The following SELP variants were observed in gnomAD, a reference collection of about 807,000 sequenced individuals.
SELP encodes P-selectin.
In SELP, 92 loss-of-function variants were observed where a neutral mutation model predicts 104.1. The ratio of observed to expected loss-of-function variants is 0.88; its 90% CI spans 0.75 to 1.05. The LOEUF (loss-of-function observed/expected upper bound fraction) is 1.05, where lower values mean the gene tolerates loss of function less well. SELP is among the 50% of genes least tolerant of loss of function. The probability of loss-of-function intolerance (pLI) is 0.00; values close to 1 mark genes in which losing one functional copy is unlikely to be tolerated. For missense variants in SELP, 1,022 were observed against 1,017.3 expected, an observed-to-expected ratio of 1.00 and a Z score of -0.06; for synonymous variants, 397 against 364.5, an observed-to-expected ratio of 1.09 and a Z score of -1.01.
intron 1 of SELP, among the ~76,000 whole-genome samples, chr1:169,625,219 A>T (rs1386005183): frequency 1.3e-5 from 2 of 152,326 alleles, no homozygotes; most frequent in South Asian, 4.1e-4. Flanking sequence ...TTTCTGTAGC[A>T]GTAAATACCA....
At chr1:169,609,055 T>C (rs749598485) in intron 8 of SELP, among the ~76,000 whole-genome samples, 2 of 152,138 alleles carry the variant, frequency 1.3e-5, no homozygotes, top group Non-Finnish European at 2.9e-5. Flanking sequence ...TTACACACAT[T>C]AATTCACAAC....
chr1:169,623,474 T>G (rs1382170630), intron 1 of SELP, among the ~76,000 whole-genome samples: 1 of 152,166 alleles, frequency 6.6e-6, no homozygotes, highest in East Asian at 1.9e-4. Flanking sequence ...TTAACCTGTT[T>G]GTTTGTTTGT....
intron 3 of SELP, among the ~76,000 whole-genome samples, 166 bp from the exon 4 acceptor site, chr1:169,613,859 C>T (rs1662676535): frequency 6.6e-6 from 1 of 152,216 alleles, no homozygotes; most frequent in Non-Finnish European, 1.5e-5. Flanking sequence ...TTGTGAAAAG[C>T]ATTGTAGGGG....
rs10603647 is a variant in SELP at position 169,620,379 on chromosome 1, CTTT to C, written c.4-1163_4-1161del. ...ACAAGAAAGAGCTCTTTCCACTGTA[CTTT>C]TTTTTTTTTTTTTTTTTAACCTTCA... On this transcript the variant is annotated intron_variant, in intron 1 of 16. Transcript: ENST00000263686. 2.1e-3 allele frequency among the ~76,000 whole-genome samples: 268 copies of C among 130,180 alleles called. 1 individual carries two copies. Among genetic ancestry groups the C allele is most frequent in the Middle Eastern group, 0.012 (3 of 250 alleles). 85.4% of individuals were successfully genotyped at this position (130,180 alleles called of 152,430 possible).
intron 9 of SELP, among the ~76,000 whole-genome samples, chr1:169,605,955 G>A (rs1662171358): frequency 6.6e-6 from 1 of 152,134 alleles, no homozygotes; most frequent in South Asian, 2.1e-4. Context: ...CACAAACATG[G>A]ATGACTAGAA....
chr1:169,594,929 G>C (rs742127), intron 12 of SELP, 52 bp from the exon 13 acceptor site: 470,033 of 1,526,510 alleles, frequency 0.31, 75,047 homozygotes, highest in Admixed American at 0.41. Context: ...GGAGGTGAAA[G>C]AGATTATAGT....
At chr1:169,616,202 C>T (rs758552555) in intron 3 of SELP, among the ~76,000 whole-genome samples, 15 of 152,226 alleles carry the variant, frequency 9.9e-5, no homozygotes, top group East Asian at 1.9e-4. Flanking sequence ...CTCCCCACCA[C>T]TACCCTCCCA....
chr1:169,613,423 T>C (rs183092397), intron 4 of SELP, among the ~76,000 whole-genome samples, 163 bp downstream of exon 4: 1 of 152,326 alleles, frequency 6.6e-6, no homozygotes, highest in East Asian at 1.9e-4. Context: ...AAAATGTTTT[T>C]ACCTAGAGTG....
Position 169,609,564 on chromosome 1 carries a change from C to G in SELP, c.1273G>C (p.Ala425Pro). Reference protein sequence around the residue: ...RCAEGFMLRGADIVRCDNLGQ... With the variant: ...RCAEGFMLRGPDIVRCDNLGQ... ...AAGTTATCACACCGAACTATATCGG[C>G]TCCTCTCAGCATGAAACCTTCAGCA... The change falls in exon 8 of 17, where the codon GCC (alanine) becomes CCC (proline). Residue 425 changes from alanine to proline, a missense_variant. Ala to Pro is a conservative substitution (Grantham distance 27). Coordinates refer to ENST00000263686, the MANE Select transcript of SELP (RefSeq NM_003005.4). 2 of 1,614,110 alleles carry G rather than the reference C, an allele frequency of 1.2e-6. No homozygotes were observed. The highest frequency in any genetic ancestry group is 1.7e-6 in the Non-Finnish European group (2 of 1,179,994).
In SELP at chr1:169,590,136, A is replaced by G. The variant is rs187086664; in HGVS notation, c.*1+11T>C. ...CTATTTCCTTCAAAAATATCTTTATAGGGATCTTACCTTAAGGACTCGGGT... is the reference window on the plus strand; with the variant it reads ...CTATTTCCTTCAAAAATATCTTTATGGGGATCTTACCTTAAGGACTCGGGT... On this transcript the variant is annotated intron_variant, in intron 16 of 16. Coordinates refer to ENST00000263686, the MANE Select transcript of SELP (RefSeq NM_003005.4). The G allele has an allele frequency of 2.9e-5, 46 of 1,587,554 alleles. No homozygotes were observed. The highest frequency in any genetic ancestry group is 2.0e-5 in the Non-Finnish European group (23 of 1,156,026).
chr1:169,606,194 G>T (rs1006450176), intron 9 of SELP, among the ~76,000 whole-genome samples: 6 of 152,200 alleles, frequency 3.9e-5, no homozygotes, highest in African/African-American at 1.4e-4. Context: ...GTGGGCACCT[G>T]TAGTCCCAGC....
intron 9 of SELP, among the ~76,000 whole-genome samples, chr1:169,605,091 C>G (rs1435664672): frequency 2.6e-5 from 4 of 152,114 alleles, no homozygotes; most frequent in African/African-American, 7.2e-5. Context: ...TGTGAAACAC[C>G]CAGAGGCAGG....
At chr1:169,597,914 C>G (rs760523575) in intron 10 of SELP, among the ~76,000 whole-genome samples, 19 of 152,276 alleles carry the variant, frequency 1.2e-4, no homozygotes, top group Non-Finnish European at 2.4e-4. Context: ...TGCTGATCAC[C>G]ACAGCCTGAA....
In SELP at chr1:169,609,624, C is replaced by T. The variant is rs773391189; in HGVS notation, c.1213G>A (p.Ala405Thr). Residue 405 changes from alanine to threonine, a missense_variant, in exon 8 of 17, where the codon GCG (alanine) becomes ACG (threonine). Physicochemically the swap from Ala to Thr is moderately conservative, Grantham distance 58. Coordinates refer to ENST00000263686, the MANE Select transcript of SELP (RefSeq NM_003005.4). ...GSMDCSPSLRAFQYDTNCSFR... is the reference protein window; with the variant it reads ...GSMDCSPSLRTFQYDTNCSFR... ...CTACAGTTGGTGTCATACTGAAACG[C>T]TCTCAAGGATGGAGAGCAATCCATG... 8 of 1,613,906 alleles carry T rather than the reference C, an allele frequency of 5.0e-6. No individual in the cohort carries two copies. Among genetic ancestry groups the T allele is most frequent in the Middle Eastern group, 1.6e-4 (1 of 6,084 alleles).
At chr1:169,597,241 G>A in intron 10 of SELP, 65 bp from the exon 11 acceptor site, 1 of 1,393,774 alleles carries the variant, frequency 7.2e-7, no homozygotes, top group Non-Finnish European at 9.7e-7. Flanking sequence ...GTTACACAAA[G>A]TTCATTCACT....
chr1:169,614,319 G>A (rs1420704631), intron 3 of SELP, among the ~76,000 whole-genome samples: 1 of 152,200 alleles, frequency 6.6e-6, no homozygotes, highest in Non-Finnish European at 1.5e-5. Flanking sequence ...ACAATCTTAT[G>A]AGGTGATGTT....
In SELP at chr1:169,617,335, T is replaced by C; in HGVS notation, c.174A>G (p.Lys58=). The change falls in exon 3 of 17, where the codon AAA becomes AAG. Residue 58 remains lysine, a synonymous_variant. Transcript: ENST00000263686. ...TKAYSWNISR[K]YCQNRYTDLV... is the part of the protein sequence containing the mutation. ...AGTCTGTGTAGCGATTCTGGCAGTATTTACGGGAAATATTCCATGAGTATG... is the reference window on the plus strand; with the variant it reads ...AGTCTGTGTAGCGATTCTGGCAGTACTTACGGGAAATATTCCATGAGTATG... The C allele has an allele frequency of 6.2e-7, 1 of 1,614,136 alleles. No homozygotes were observed. The highest frequency in any genetic ancestry group is 8.5e-7 in the Non-Finnish European group (1 of 1,179,998).
chr1:169,596,062 C>T lies in SELP; in HGVS notation c.1964G>A (p.Cys655Tyr), dbSNP rs146981863. The change falls in exon 12 of 17, where the codon TGT (cysteine) becomes TAT (tyrosine). Residue 655 changes from cysteine to tyrosine, a missense_variant. Physicochemically the swap from Cys to Tyr is radical, Grantham distance 194. Transcript: ENST00000263686. ...ACCAAAGGTTCCCGGATGATGCCTA[C>T]AGTACATGGTTCCCTGCCCAGGAGT... is the stretch of plus-strand genomic sequence containing the variant. ...LTTPGQGTMY[C>Y]RHHPGTFGFN... 7.6e-5 allele frequency: 122 copies of T among 1,613,900 alleles called. No homozygotes were observed. The highest frequency in any genetic ancestry group is 1.0e-4 in the Non-Finnish European group (119 of 1,179,846).
rs779263515 is a variant in SELP, at chr1:169,603,214, A to G, written c.1520-3T>C. The G allele has an allele frequency of 1.2e-5, 20 of 1,608,394 alleles. No individual in the cohort carries two copies. The highest frequency in any genetic ancestry group is 1.7e-5 in the Admixed American group (1 of 59,824). On this transcript the variant is annotated splice_region_variant and splice_polypyrimidine_tract_variant and intron_variant, in intron 9 of 16. Transcript: ENST00000263686. The stretch of plus-strand genomic sequence containing the variant: ...TAGCAAAGGTGTGCAGGGAATGGCT[A>G]TCATGGGCATGGCAGAGGAGAAAAG...
Sources: allele counts gnomAD v4.1 joint callset (sites outside exome capture counted in the v4.1 genomes callset), GRCh38; gene constraint gnomAD v4.1.1; transcripts MANE v1.5; gene names NCBI Gene and HGNC (gene_info 2026-07-23, HGNC 2026-07-21).